MAGI2: variants seen among roughly 807,000 people sequenced by gnomAD.
The protein encoded by MAGI2 is membrane-associated guanylate kinase, WW and PDZ domain-containing protein 2.
In MAGI2, 35 loss-of-function variants were observed where a neutral mutation model predicts 133.3. That is an observed-to-expected ratio of 0.26 (90% confidence interval 0.20 to 0.35). MAGI2 has a LOEUF of 0.35. MAGI2 is among the 10% of genes least tolerant of loss of function. The pLI is 1.00. For synonymous variants in MAGI2, 729 were observed against 710.6 expected (o/e 1.03, Z -0.41); for missense variants, 1,636 against 1,863.4 (o/e 0.88, Z 2.25).
intron 1 of MAGI2, among the ~76,000 whole-genome samples, chr7:79,235,391 G>T (rs1402114897): frequency 2.6e-5 from 4 of 152,028 alleles, no homozygotes; most frequent in Admixed American, 1.3e-4. Context: ...CCCTCCCCCA[G>T]CCTCGCTGCC....
At chr7:79,233,919 G>T (rs964504993) in intron 1 of MAGI2, among the ~76,000 whole-genome samples, 9 of 150,998 alleles carry the variant, frequency 6.0e-5, no homozygotes, top group Non-Finnish European at 1.0e-4. Context: ...GCTTGATTTT[G>T]CAGCGGCTAG....
chr7:79,404,255 G>T (rs763656520), intron 1 of MAGI2, among the ~76,000 whole-genome samples: 1 of 152,070 alleles, frequency 6.6e-6, no homozygotes, highest in Non-Finnish European at 1.5e-5. Context: ...AAGGCAAATA[G>T]TAAATAAGAC....
At chr7:78,380,631 G>A (rs1454430741) in intron 6 of MAGI2, among the ~76,000 whole-genome samples, 1 of 151,806 alleles carries the variant, frequency 6.6e-6, no homozygotes, top group Non-Finnish European at 1.5e-5. Context: ...ATAGTTAAAG[G>A]GTACAAAAAT....
chr7:78,230,877 G>C (rs2150872757), intron 10 of MAGI2, among the ~76,000 whole-genome samples: 1 of 152,260 alleles, frequency 6.6e-6, no homozygotes, highest in African/African-American at 2.4e-5. Context: ...GTGTTCAAAA[G>C]CATCACTGAC....
intron 21 of MAGI2, chr7:78,072,992 G>T: frequency 2.5e-6 from 1 of 398,478 alleles, no homozygotes; most frequent in South Asian, 1.3e-4. Context: ...ATAAACAAAT[G>T]ACCATTACTT....
chr7:78,284,450 CTT>C (rs34430968), intron 9 of MAGI2, among the ~76,000 whole-genome samples: 101 of 142,832 alleles, frequency 7.1e-4, no homozygotes, highest in African/African-American at 1.2e-3. Context: ...GTTTTCTTTT[CTT>C]TTTTTTTTTT....
Position 78,716,895 on chromosome 7 carries a change from GT to G in MAGI2, c.419-89657del, listed in dbSNP as rs1446708931. On this transcript the variant is annotated intron_variant, in intron 2 of 21. Transcript: ENST00000354212. ...AGCTTAAAAGGTAAGAGGACCTCAG[GT>G]AACTGTTAGCCCAAGCCACAGCATT... 3.3e-4 allele frequency among the ~76,000 whole-genome samples: 50 copies of G among 152,270 alleles called. 2 individuals carry two copies.
intron 6 of MAGI2, among the ~76,000 whole-genome samples, chr7:78,404,615 T>C (rs1477029792): frequency 1.3e-5 from 2 of 152,144 alleles, no homozygotes; most frequent in South Asian, 2.1e-4. Context: ...TGGCTAGCCA[T>C]ATATAGAAAG....
At chr7:79,190,219 G>A (rs1827532990) in intron 1 of MAGI2, among the ~76,000 whole-genome samples, 1 of 151,726 alleles carries the variant, frequency 6.6e-6, no homozygotes, top group Admixed American at 6.6e-5. Context: ...CTTTCCAACT[G>A]GTTTTACCAT....
At chr7:79,064,298 T>A (rs1814087095) in intron 1 of MAGI2, among the ~76,000 whole-genome samples, 1 of 152,006 alleles carries the variant, frequency 6.6e-6, no homozygotes, top group Admixed American at 6.6e-5. Context: ...CATAAAACAT[T>A]TATACAGAAA....
At position 78,434,380 on chromosome 7, in the gene MAGI2, T is replaced by A. The variant is rs558015133; in HGVS notation, c.1045+55381A>T. ...GGGCATCAGGAAGTCAGCGTATATGTCTAGCTTTTGGAGAAGAGATGACAG... is the reference window on the plus strand; with the variant it reads ...GGGCATCAGGAAGTCAGCGTATATGACTAGCTTTTGGAGAAGAGATGACAG... On this transcript the variant is annotated intron_variant, in intron 6 of 21. Transcript: ENST00000354212. Among the ~76,000 whole-genome samples, 12 of 152,272 alleles carry A rather than the reference T, an allele frequency of 7.9e-5. No homozygotes were observed. In the East Asian group the frequency reaches 2.3e-3, roughly 29 times the overall value.
intron 6 of MAGI2, among the ~76,000 whole-genome samples, chr7:78,429,703 A>G (rs565165286): frequency 6.6e-6 from 1 of 152,058 alleles, no homozygotes; most frequent in South Asian, 2.1e-4. Flanking sequence ...AATGGTGACT[A>G]TACCTAATAA....
At chr7:79,056,593 T>G (rs552755229) in intron 1 of MAGI2, among the ~76,000 whole-genome samples, 287 of 152,344 alleles carry the variant, frequency 1.9e-3, no homozygotes, top group African/African-American at 6.8e-3. Flanking sequence ...CAGAGGCATT[T>G]CTTCCACTGT....
chr7:78,616,666 AC>A (rs770701345), intron 3 of MAGI2: 7 of 152,180 alleles, frequency 4.6e-5, no homozygotes, highest in Non-Finnish European at 8.8e-5. Flanking sequence ...AAATTATCAC[AC>A]TTAGGACATG....
chr7:79,088,826 A>G (rs1279259925), intron 1 of MAGI2, among the ~76,000 whole-genome samples: 1 of 151,998 alleles, frequency 6.6e-6, no homozygotes, highest in Non-Finnish European at 1.5e-5. Context: ...TGATTTGTGT[A>G]TATTGAACCA....
intron 1 of MAGI2, among the ~76,000 whole-genome samples, chr7:79,110,747 T>C (rs946561548): frequency 5.3e-5 from 8 of 152,116 alleles, no homozygotes; most frequent in African/African-American, 1.4e-4. Flanking sequence ...AATAATATAG[T>C]TTGGATATCA....
intron 1 of MAGI2, among the ~76,000 whole-genome samples, chr7:79,289,842 C>G (rs1273612905): frequency 6.6e-6 from 1 of 151,818 alleles, no homozygotes; most frequent in African/African-American, 2.4e-5. Flanking sequence ...TCTGCCTTTG[C>G]ATCATATAAT....
At chr7:79,125,177 G>A in intron 1 of MAGI2, 1 of 348,736 alleles carries the variant, frequency 2.9e-6, no homozygotes, top group Admixed American at 3.2e-5. Flanking sequence ...AGGGGCTTTG[G>A]TTTTGTAAAC....
intron 1 of MAGI2, among the ~76,000 whole-genome samples, chr7:79,215,727 T>C (rs1373220451): frequency 6.6e-6 from 1 of 151,978 alleles, no homozygotes; most frequent in African/African-American, 2.4e-5. Context: ...TGACTTCTTA[T>C]AACTTCTGTC....
Sources: gnomAD v4.1 joint callset for allele counts (sites outside exome capture counted in the v4.1 genomes callset) on GRCh38, gnomAD v4.1.1 for gene constraint, MANE v1.5 for transcripts, NCBI Gene and HGNC (gene_info 2026-07-23, HGNC 2026-07-21) for gene names.